The following PDGFRL variants were observed in gnomAD, a reference collection of about 807,000 sequenced individuals.
The protein encoded by PDGFRL is platelet-derived growth factor receptor-like protein.
A neutral mutation model predicts 37.2 loss-of-function variants in PDGFRL; 46 were observed. The ratio of observed to expected loss-of-function variants is 1.24; its 90% CI spans 0.98 to 1.58. The LOEUF is 1.58. Ranked by LOEUF, PDGFRL falls within the 40% of genes most tolerant of loss-of-function variation. PDGFRL has a pLI of 0.00. For missense variants in PDGFRL, 692 were observed against 467.6 expected (o/e 1.48, Z -4.43); for synonymous variants, 251 against 184.3 (o/e 1.36, Z -2.93).
rs201659987 is a variant in PDGFRL at position 17,634,244 on chromosome 8, C to T, written c.939+31C>T. The T allele has an allele frequency of 3.4e-5, 53 of 1,558,654 alleles. No individual in the cohort carries two copies. In the African/African-American group the frequency reaches 3.8e-4, roughly 11 times the overall value. Reference sequence around the variant, plus strand: ...TGTTGTACCTGCATCTCAGCCCCTGCGTCTCAGCCTCTGCATCTCAGCCAG... The same window carrying T: ...TGTTGTACCTGCATCTCAGCCCCTGTGTCTCAGCCTCTGCATCTCAGCCAG... On this transcript the variant is annotated intron_variant, in intron 5 of 5. Transcript: ENST00000251630.
intron 2 of PDGFRL, among the ~76,000 whole-genome samples, chr8:17,608,461 C>T (rs748056480): frequency 6.6e-6 from 1 of 152,138 alleles, no homozygotes; most frequent in Non-Finnish European, 1.5e-5. Flanking sequence ...GTGGCTCGTG[C>T]ATTGGCACAA....
intron 2 of PDGFRL, among the ~76,000 whole-genome samples, chr8:17,600,452 C>T (rs575653536): frequency 2.0e-5 from 3 of 152,208 alleles, no homozygotes; most frequent in African/African-American, 4.8e-5. Context: ...TTACATTAAA[C>T]GTTTCTTCTG....
At chr8:17,620,905 C>G in intron 2 of PDGFRL, 146 bp from the exon 3 acceptor site, 1 of 406,188 alleles carries the variant, frequency 2.5e-6, no homozygotes, top group Non-Finnish European at 4.3e-6. Context: ...GGGTGTTTGA[C>G]AAGTCAAACA....
intron 2 of PDGFRL, among the ~76,000 whole-genome samples, chr8:17,593,243 A>C (rs537106375): frequency 1.3e-5 from 2 of 152,030 alleles, no homozygotes; most frequent in East Asian, 3.9e-4. Context: ...GGAAAGGCTT[A>C]CCACTATATA....
chr8:17,596,262 T>G, intron 2 of PDGFRL: 1 of 893,122 alleles, frequency 1.1e-6, no homozygotes. Flanking sequence ...TCTCTGGACC[T>G]CAGTTCCTGT....
chr8:17,635,668 G>C (rs1435339974), intron 5 of PDGFRL, among the ~76,000 whole-genome samples: 1 of 152,124 alleles, frequency 6.6e-6, no homozygotes, highest in Non-Finnish European at 1.5e-5. Flanking sequence ...ATCAAATGGT[G>C]GTTCTACTTT....
intron 1 of PDGFRL, among the ~76,000 whole-genome samples, chr8:17,581,937 G>C (rs1213941678): frequency 2.6e-5 from 4 of 152,188 alleles, no homozygotes; most frequent in Non-Finnish European, 5.9e-5. Flanking sequence ...TGTGGAAGCA[G>C]CTTTGGAACT....
intron 2 of PDGFRL, among the ~76,000 whole-genome samples, chr8:17,595,396 C>G (rs1006256979): frequency 6.6e-6 from 1 of 152,170 alleles, no homozygotes; most frequent in Non-Finnish European, 1.5e-5. Flanking sequence ...CTCTGGAGGA[C>G]CCTCCTGTTC....
chr8:17,589,439 G>A, intron 1 of PDGFRL, 29 bp from the exon 2 acceptor site: 1 of 1,553,196 alleles, frequency 6.4e-7, no homozygotes, highest in Non-Finnish European at 8.8e-7. Flanking sequence ...CATTACTACA[G>A]CGCATTTCTC....
At chr8:17,592,407 G>T (rs562367870) in intron 2 of PDGFRL, among the ~76,000 whole-genome samples, 1 of 152,086 alleles carries the variant, frequency 6.6e-6, no homozygotes, top group Non-Finnish European at 1.5e-5. Flanking sequence ...TCTCACTGCC[G>T]CTGGAGCAAC....
chr8:17,634,729 A>T (rs1338644818), intron 5 of PDGFRL, among the ~76,000 whole-genome samples: 2 of 152,184 alleles, frequency 1.3e-5, no homozygotes, highest in Non-Finnish European at 2.9e-5. Flanking sequence ...CAGAAAACCA[A>T]ATACCTCATG....
intron 1 of PDGFRL, among the ~76,000 whole-genome samples, chr8:17,580,243 A>G (rs1803677235): frequency 6.6e-6 from 1 of 152,134 alleles, no homozygotes; most frequent in Non-Finnish European, 1.5e-5. Context: ...CCAGATCTCT[A>G]AGAAGGTAAG....
At chr8:17,580,829 C>A (rs1401049740) in intron 1 of PDGFRL, among the ~76,000 whole-genome samples, 1 of 152,132 alleles carries the variant, frequency 6.6e-6, no homozygotes, top group Non-Finnish European at 1.5e-5. Flanking sequence ...CCTGCCTCCA[C>A]TAGCTTCTGG....
Position 17,599,202 on chromosome 8 carries a change from A to C in PDGFRL, c.353+9437A>C, listed in dbSNP as rs1035421988. Among the ~76,000 whole-genome samples the C allele has an allele frequency of 1.6e-4, 25 of 152,140 alleles. 1 individual carries two copies. The highest frequency in any genetic ancestry group is 3.4e-4 in the Non-Finnish European group (23 of 68,036). The stretch of plus-strand genomic sequence containing the variant: ...TGGCATTTGGTTACATACGTTCTTT[A>C]GTGTGAGCCATCAGATCCTGGTGCA... On this transcript the variant is annotated intron_variant, in intron 2 of 5. Transcript: ENST00000251630.
intron 2 of PDGFRL, among the ~76,000 whole-genome samples, chr8:17,598,149 G>A (rs2246359): frequency 0.14 from 21,202 of 152,146 alleles, 3,943 homozygotes; most frequent in African/African-American, 0.42. Context: ...GTTTCCTGCA[G>A]TGAGAATAAA....
At chr8:17,590,045 C>A (rs1035582330) in intron 2 of PDGFRL, among the ~76,000 whole-genome samples, 3 of 150,720 alleles carry the variant, frequency 2.0e-5, no homozygotes, top group African/African-American at 4.9e-5. Context: ...TCCTGGCTAA[C>A]CCGGTGAAAT....
At chr8:17,641,593 G>A (rs187903153) in intron 5 of PDGFRL, among the ~76,000 whole-genome samples, 13 of 152,320 alleles carry the variant, frequency 8.5e-5, no homozygotes, top group East Asian at 1.9e-4. Context: ...GGTGCTGTGA[G>A]GCCAGAGATA....
chr8:17,640,339 G>A (rs1164806067), intron 5 of PDGFRL, among the ~76,000 whole-genome samples: 1 of 152,132 alleles, frequency 6.6e-6, no homozygotes, highest in African/African-American at 2.4e-5. Context: ...ATCTTCTGGG[G>A]TGTTAAAGAA....
intron 2 of PDGFRL, among the ~76,000 whole-genome samples, chr8:17,600,338 GA>G (rs1804141416): frequency 6.6e-6 from 1 of 152,018 alleles, no homozygotes; most frequent in Non-Finnish European, 1.5e-5. Flanking sequence ...AGCCCTTCTG[GA>G]GTCCTCTTCA....
Sources: allele counts gnomAD v4.1 joint callset (sites outside exome capture counted in the v4.1 genomes callset), GRCh38; gene constraint gnomAD v4.1.1; transcripts MANE v1.5; gene names NCBI Gene and HGNC (gene_info 2026-07-23, HGNC 2026-07-21).